Variants in PDGFC observed in about 807,000 individuals in gnomAD.
PDGFC encodes the protein platelet-derived growth factor C.
Under a neutral mutation model 35.5 loss-of-function variants are expected in PDGFC, and 12 were observed. The observed-to-expected ratio is 0.34, with a 90% CI of 0.22 to 0.55. PDGFC has a LOEUF of 0.55. PDGFC is among the 20% of genes least tolerant of loss of function. PDGFC has a pLI of 0.91. For missense variants in PDGFC, 322 were observed against 412.4 expected, an observed-to-expected ratio of 0.78 and a Z score of 1.90; for synonymous variants, 159 against 148.8, an observed-to-expected ratio of 1.07 and a Z score of -0.50.
At chr4:156,805,209 T>G (rs1255893702) in intron 3 of PDGFC, among the ~76,000 whole-genome samples, 2 of 151,970 alleles carry the variant, frequency 1.3e-5, no homozygotes, top group African/African-American at 4.8e-5. Context: ...CTAGCTGCAA[T>G]AAAATACTGT....
chr4:156,842,114 T>C (rs866445576), intron 2 of PDGFC: 2 of 152,294 alleles, frequency 1.3e-5, no homozygotes, highest in South Asian at 4.1e-4. Context: ...TTTAACACTC[T>C]AAGTTATTCT....
At chr4:156,838,125 A>G (rs769503503) in intron 2 of PDGFC, among the ~76,000 whole-genome samples, 1 of 152,256 alleles carries the variant, frequency 6.6e-6, no homozygotes, top group Non-Finnish European at 1.5e-5. Context: ...TTCTGTGTCC[A>G]GAAGTGCGCG....
chr4:156,804,252 T>TA (rs1553966034), intron 3 of PDGFC, among the ~76,000 whole-genome samples: 1 of 151,668 alleles, frequency 6.6e-6, no homozygotes, highest in Non-Finnish European at 1.5e-5. Context: ...GTTGGCAAGT[T>TA]AAAAAAAAGT....
intron 1 of PDGFC, among the ~76,000 whole-genome samples, chr4:156,914,710 G>A (rs982318055): frequency 1.3e-4 from 20 of 152,128 alleles, no homozygotes; most frequent in Non-Finnish European, 2.6e-4. Context: ...TGACCCAGGG[G>A]AAGAAATGAA....
intron 2 of PDGFC, among the ~76,000 whole-genome samples, chr4:156,841,205 T>C (rs1729195654): frequency 6.6e-6 from 1 of 152,062 alleles, no homozygotes; most frequent in African/African-American, 2.4e-5. Flanking sequence ...ACATCTTGAA[T>C]TGTAGTTCCC....
chr4:156,873,326 C>T lies in PDGFC; in HGVS notation c.119-22910G>A, dbSNP rs758231199. Among the ~76,000 whole-genome samples, 3 of 152,140 alleles carry T rather than the reference C, an allele frequency of 2.0e-5. No individual in the cohort carries two copies. In the East Asian group the frequency reaches 5.8e-4, roughly 29 times the overall value. On this transcript the variant is annotated intron_variant, in intron 1 of 5. Coordinates refer to ENST00000502773, the MANE Select transcript of PDGFC (RefSeq NM_016205.3). ...GTTTGAGAACAGTGCCCACCCCTTA[C>T]TCCCAAATTCCTGAAGTGATAGTGA... is the stretch of plus-strand genomic sequence containing the variant.
chr4:156,838,040 G>T (rs1729105335), intron 2 of PDGFC, among the ~76,000 whole-genome samples: 1 of 151,842 alleles, frequency 6.6e-6, no homozygotes, highest in Non-Finnish European at 1.5e-5. Context: ...TATAAATTAT[G>T]CCACTGGGCT....
At chr4:156,916,150 A>G (rs563393500) in intron 1 of PDGFC, among the ~76,000 whole-genome samples, 1 of 152,236 alleles carries the variant, frequency 6.6e-6, no homozygotes, top group South Asian at 2.1e-4. Flanking sequence ...TCATTCATGA[A>G]CAAAATTCTA....
At chr4:156,828,707 C>T (rs934193044) in intron 2 of PDGFC, among the ~76,000 whole-genome samples, 5 of 152,010 alleles carry the variant, frequency 3.3e-5, no homozygotes, top group South Asian at 2.1e-4. Context: ...GTATATTTAA[C>T]GTACAGATAG....
At chr4:156,838,495 C>A (rs1262188555) in intron 2 of PDGFC, among the ~76,000 whole-genome samples, 2 of 151,584 alleles carry the variant, frequency 1.3e-5, no homozygotes, top group African/African-American at 4.9e-5. Context: ...TACCTTGACA[C>A]TTTCATGACT....
chr4:156,901,841 GCC>G (rs1730794828), intron 1 of PDGFC, among the ~76,000 whole-genome samples: 2 of 152,024 alleles, frequency 1.3e-5, no homozygotes, highest in Non-Finnish European at 2.9e-5. Context: ...CAAACTCCTT[GCC>G]TCAAGTGATC....
rs1302147449 is a variant in PDGFC at position 156,824,315 on chromosome 4, TATATATATATATACACACACAC to T, written c.315-13320_315-13299del. ...ATATATATATATATATATATATATA[TATATATATATATACACACACAC>T]ACACACACACACATATACACACATA... is the stretch of plus-strand genomic sequence containing the variant. On this transcript the variant is annotated intron_variant, in intron 2 of 5. Coordinates refer to ENST00000502773, the MANE Select transcript of PDGFC (RefSeq NM_016205.3). Among the ~76,000 whole-genome samples the T allele has an allele frequency of 9.2e-3, 444 of 48,278 alleles. 4 individuals are homozygous for T. The highest frequency in any genetic ancestry group is 0.058 in the African/African-American group (425 of 7,376). The allele number at this position is 48,278 out of a possible 152,430, so 31.7% of individuals were successfully genotyped here. A position where few individuals can be genotyped will look rare whatever the true frequency, so the allele number is the denominator to read the frequency against.
intron 1 of PDGFC, among the ~76,000 whole-genome samples, chr4:156,903,083 CAA>C (rs1730827775): frequency 1.1e-5 from 1 of 91,052 alleles, no homozygotes; most frequent in African/African-American, 3.6e-5. Flanking sequence ...CCAATAAGGA[CAA>C]AGAGAGAGAG....
At chr4:156,811,168 G>A (rs1301381507) in intron 2 of PDGFC, 151 bp from the exon 3 acceptor site, 15 of 466,274 alleles carry the variant, frequency 3.2e-5, no homozygotes, top group Non-Finnish European at 5.7e-5. Context: ...GAATTCTAAA[G>A]AAGAGACACA....
intron 2 of PDGFC, among the ~76,000 whole-genome samples, chr4:156,835,262 T>C (rs1413233341): frequency 1.3e-5 from 2 of 152,142 alleles, no homozygotes; most frequent in African/African-American, 4.8e-5. Context: ...TCGGTCAGAC[T>C]GGCAATTATT....
chr4:156,841,278 C>T (rs1729198220), intron 2 of PDGFC: 1 of 152,170 alleles, frequency 6.6e-6, no homozygotes, highest in Admixed American at 6.6e-5. Context: ...GGGTGGTTGC[C>T]CTCATGCTGT....
At chr4:156,904,163 A>C (rs1372137583) in intron 1 of PDGFC, among the ~76,000 whole-genome samples, 1 of 152,146 alleles carries the variant, frequency 6.6e-6, no homozygotes, top group Non-Finnish European at 1.5e-5. Flanking sequence ...ATAAGGCAAT[A>C]TCAGTGAATC....
intron 1 of PDGFC, among the ~76,000 whole-genome samples, chr4:156,898,387 A>C (rs528617445): frequency 6.6e-6 from 1 of 152,304 alleles, no homozygotes; most frequent in African/African-American, 2.4e-5. Context: ...ACACTATTGG[A>C]AGTGATAACT....
At chr4:156,809,037 G>C (rs1308559291) in intron 3 of PDGFC, among the ~76,000 whole-genome samples, 1 of 151,932 alleles carries the variant, frequency 6.6e-6, no homozygotes, top group Admixed American at 6.6e-5. Context: ...CAGTCCAAAA[G>C]CCTATTGTTT....
Sources: allele counts gnomAD v4.1 joint callset (sites outside exome capture counted in the v4.1 genomes callset), GRCh38; gene constraint gnomAD v4.1.1; transcripts MANE v1.5; gene names NCBI Gene and HGNC (gene_info 2026-07-23, HGNC 2026-07-21).